FOXN3: variants seen among roughly 807,000 people sequenced by gnomAD.
FOXN3 encodes the protein forkhead box protein N3.
In FOXN3, 7 loss-of-function variants were observed where a neutral mutation model predicts 38.4. The observed-to-expected ratio is 0.18, with a 90% CI of 0.10 to 0.34. The LOEUF (loss-of-function observed/expected upper bound fraction) is 0.34. FOXN3 is among the 10% of genes least tolerant of loss of function. FOXN3 has a pLI of 1.00. For synonymous variants in FOXN3, 230 were observed against 242.2 expected, an observed-to-expected ratio of 0.95 and a Z score of 0.47; for missense variants, 456 against 613.4, an observed-to-expected ratio of 0.74 and a Z score of 2.71.
intron 1 of FOXN3, among the ~76,000 whole-genome samples, chr14:89,439,340 T>C (rs576255413): frequency 3.9e-4 from 59 of 152,172 alleles, no homozygotes; most frequent in Non-Finnish European, 7.5e-4. Flanking sequence ...CAGGATGAAA[T>C]GAGAGGTCAG....
rs1887097499 is a variant in FOXN3 at position 89,161,498 on chromosome 14, C to T, written c.*916G>A. 1 of 150,052 alleles carries T rather than the reference C, an allele frequency of 6.7e-6. No individual in the cohort carries two copies. The allele number at this position is 150,052 out of a possible 1,614,324, so 9.3% of individuals were successfully genotyped here. On this transcript the variant is annotated 3_prime_UTR_variant, in exon 6 of 6. Transcript: ENST00000557258. Reference sequence around the variant, plus strand: ...ATTTCCTGGACTTGGTTGCTTTTCACTTGGGCAGTTAAGAAGACACAGCTT... The same window carrying T: ...ATTTCCTGGACTTGGTTGCTTTTCATTTGGGCAGTTAAGAAGACACAGCTT...
At chr14:89,518,221 G>A (rs192444807) in intron 1 of FOXN3, among the ~76,000 whole-genome samples, 2 of 152,220 alleles carry the variant, frequency 1.3e-5, no homozygotes, top group East Asian at 1.9e-4. Context: ...TCTGACCTTC[G>A]ACAGTCTCCT....
At chr14:89,280,565 T>C (rs1886426854) in intron 4 of FOXN3, among the ~76,000 whole-genome samples, 1 of 152,200 alleles carries the variant, frequency 6.6e-6, no homozygotes, top group Non-Finnish European at 1.5e-5. Context: ...AAACCCTCCT[T>C]TTTCAGCTCA....
At chr14:89,363,990 T>TATATATATATATATATATATATATATATA (rs1566969040) in intron 2 of FOXN3, among the ~76,000 whole-genome samples, 1 of 76,836 alleles carries the variant, frequency 1.3e-5, no homozygotes, top group African/African-American at 6.1e-5. Flanking sequence ...ATATATATAA[T>TATATATATATATATATATATATATATATA]ATATATATAT....
chr14:89,388,653 T>C (rs1287894819), intron 2 of FOXN3, among the ~76,000 whole-genome samples: 5 of 151,968 alleles, frequency 3.3e-5, no homozygotes, highest in East Asian at 1.9e-4. Flanking sequence ...GAGCTAAGTG[T>C]TGCCAGGAAG....
intron 2 of FOXN3, among the ~76,000 whole-genome samples, chr14:89,371,746 G>A (rs1427242821): frequency 6.6e-6 from 1 of 152,060 alleles, no homozygotes; most frequent in African/African-American, 2.4e-5. Context: ...GAGGGGAGGA[G>A]GAGAGTGAGG....
chr14:89,165,776 A>C (rs1044541604), intron 5 of FOXN3, among the ~76,000 whole-genome samples: 1 of 152,246 alleles, frequency 6.6e-6, no homozygotes, highest in Non-Finnish European at 1.5e-5. Context: ...AATTTTTGCC[A>C]TTTGAGGGAA....
intron 5 of FOXN3, among the ~76,000 whole-genome samples, chr14:89,179,226 T>C (rs1269690301): frequency 6.6e-6 from 1 of 152,232 alleles, no homozygotes; most frequent in Non-Finnish European, 1.5e-5. Flanking sequence ...GTTTTATAAT[T>C]TGTTGCTATT....
intron 2 of FOXN3, among the ~76,000 whole-genome samples, chr14:89,368,710 A>T (rs1890227044): frequency 1.3e-5 from 2 of 152,220 alleles, no homozygotes; most frequent in South Asian, 4.1e-4. Context: ...TACTACAGTG[A>T]CCTAGAAGAT....
intron 4 of FOXN3, among the ~76,000 whole-genome samples, chr14:89,205,151 T>TAA (rs1158512966): frequency 1.6e-4 from 23 of 143,204 alleles, no homozygotes; most frequent in African/African-American, 4.8e-4. Flanking sequence ...GTGTTTGATT[T>TAA]AAAAAAAAAA....
Position 89,175,217 on chromosome 14 carries a change from T to C in FOXN3, c.851+5484A>G, listed in dbSNP as rs569005298. Reference sequence around the variant, plus strand: ...TCATGTTCCATGGGAAGTGCAGTTTTTCACTTGAGGTTGCTGGAGATCCAA... The same window carrying C: ...TCATGTTCCATGGGAAGTGCAGTTTCTCACTTGAGGTTGCTGGAGATCCAA... On this transcript the variant is annotated intron_variant, in intron 5 of 5. Coordinates refer to ENST00000557258, the MANE Select transcript of FOXN3 (RefSeq NM_005197.4). 5.1e-4 allele frequency among the ~76,000 whole-genome samples: 78 copies of C among 152,346 alleles called. 1 individual carries two copies. The highest frequency in any genetic ancestry group is 1.8e-3 in the African/African-American group (76 of 41,598).
rs1314152686 is a variant in FOXN3 at position 89,161,741 on chromosome 14, GA to G, written c.*672del. On this transcript the variant is annotated 3_prime_UTR_variant, in exon 6 of 6. Transcript: ENST00000557258. ...TGAGTCACTGACACCCGATGCGCAT[GA>G]ACAGTCCAACGTCCACCTCGTAAGA... 6 of 152,440 alleles carry G rather than the reference GA, an allele frequency of 3.9e-5. No homozygotes were observed. The highest frequency in any genetic ancestry group is 1.4e-4 in the African/African-American group (6 of 41,430). 9.4% of individuals were successfully genotyped at this position (152,440 alleles called of 1,614,324 possible).
At chr14:89,425,554 C>T (rs762161184) in intron 1 of FOXN3, among the ~76,000 whole-genome samples, 2 of 148,434 alleles carry the variant, frequency 1.3e-5, no homozygotes, top group African/African-American at 5.0e-5. Context: ...TTAATAGACA[C>T]GGGGTTGAGC....
chr14:89,252,429 C>T (rs1056258796), intron 4 of FOXN3, among the ~76,000 whole-genome samples: 9 of 151,980 alleles, frequency 5.9e-5, no homozygotes, highest in Non-Finnish European at 8.8e-5. Context: ...CCGAGGAGGG[C>T]GGATTACCTG....
chr14:89,569,569 C>A (rs1346524395), intron 1 of FOXN3, among the ~76,000 whole-genome samples: 1 of 152,232 alleles, frequency 6.6e-6, no homozygotes, highest in Non-Finnish European at 1.5e-5. Context: ...CATAGATAAT[C>A]AACCTCAAAG....
At chr14:89,580,050 C>G (rs1400776143) in intron 1 of FOXN3, among the ~76,000 whole-genome samples, 1 of 152,028 alleles carries the variant, frequency 6.6e-6, no homozygotes, top group African/African-American at 2.4e-5. Flanking sequence ...ATAGAGGTAA[C>G]TGAAGGCAAA....
chr14:89,434,378 C>G (rs1892230994), intron 1 of FOXN3, among the ~76,000 whole-genome samples: 1 of 152,002 alleles, frequency 6.6e-6, no homozygotes, highest in East Asian at 1.9e-4. Flanking sequence ...CAGGTGCCTG[C>G]CACCACACCC....
intron 3 of FOXN3, among the ~76,000 whole-genome samples, chr14:89,304,685 A>G (rs943673576): frequency 5.3e-5 from 8 of 152,128 alleles, no homozygotes; most frequent in African/African-American, 1.9e-4. Context: ...AAAGCAGAGT[A>G]TGGGCTTGGA....
At chr14:89,280,241 C>A (rs1249062762) in intron 4 of FOXN3, among the ~76,000 whole-genome samples, 2 of 152,186 alleles carry the variant, frequency 1.3e-5, no homozygotes, top group Non-Finnish European at 2.9e-5. Flanking sequence ...TAAAAATGAA[C>A]CTCTTTGCTA....
Sources: gnomAD v4.1 joint callset for allele counts (sites outside exome capture counted in the v4.1 genomes callset) on GRCh38, gnomAD v4.1.1 for gene constraint, MANE v1.5 for transcripts, NCBI Gene and HGNC (gene_info 2026-07-23, HGNC 2026-07-21) for gene names.